PCDH15: variants seen among roughly 807,000 people sequenced by gnomAD.
PCDH15 encodes protocadherin-15.
Under a neutral mutation model 178.5 loss-of-function variants are expected in PCDH15, and 129 were observed. That is an observed-to-expected ratio of 0.72 (90% confidence interval 0.63 to 0.84). The LOEUF (loss-of-function observed/expected upper bound fraction) is 0.84, where lower values mean the gene tolerates loss of function less well. Among genes scored for constraint, PCDH15 ranks in the 40% least tolerant of loss-of-function variants. The probability of loss-of-function intolerance (pLI) is 0.00; values close to 1 mark genes in which losing one functional copy is unlikely to be tolerated. For synonymous variants in PCDH15, 800 were observed against 732.0 expected (o/e 1.09, Z -1.50); for missense variants, 2,230 against 2,099.9 (o/e 1.06, Z -1.21).
At chr10:55,035,694 T>C (rs1840718213) in intron 2 of PCDH15, among the ~76,000 whole-genome samples, 1 of 152,160 alleles carries the variant, frequency 6.6e-6, no homozygotes, top group Non-Finnish European at 1.5e-5. Flanking sequence ...AAATGAGGTA[T>C]GGATAATTAT....
At chr10:54,302,616 C>A (rs190896200) in intron 8 of PCDH15, among the ~76,000 whole-genome samples, 2 of 152,118 alleles carry the variant, frequency 1.3e-5, no homozygotes, top group Non-Finnish European at 2.9e-5. Flanking sequence ...AGAATGCCAA[C>A]CTCCAGAACT....
intron 2 of PCDH15, among the ~76,000 whole-genome samples, chr10:55,086,793 A>G (rs1842181431): frequency 6.6e-6 from 1 of 152,212 alleles, no homozygotes; most frequent in Non-Finnish European, 1.5e-5. Context: ...AATAAATATT[A>G]TAAATAAGTA....
chr10:55,446,661 G>A (rs1401716644), intron 2 of PCDH15, among the ~76,000 whole-genome samples: 4 of 152,104 alleles, frequency 2.6e-5, no homozygotes, highest in African/African-American at 9.7e-5. Context: ...CTTTTCTAAT[G>A]TTACATAAAT....
chr10:55,618,335 T>C (rs1213982214), intron 2 of PCDH15, among the ~76,000 whole-genome samples: 1 of 152,092 alleles, frequency 6.6e-6, no homozygotes, highest in Non-Finnish European at 1.5e-5. Flanking sequence ...GTTGTAGTCT[T>C]TTGTATATGA....
At position 54,160,569 on chromosome 10, in the gene PCDH15, A is replaced by G. The variant is rs2045605432; in HGVS notation, c.1591-7276T>C. 4.6e-5 allele frequency among the ~76,000 whole-genome samples: 7 copies of G among 152,170 alleles called. No individual in the cohort carries two copies. The South Asian group carries it at 1.4e-3, about 31-fold the overall frequency. ...ACAATAAAAAATAAACTTCCTAAAA[A>G]TTAAAAGCTTTTTCTCTACCAAAAA... On this transcript the variant is annotated intron_variant, in intron 13 of 37. Transcript: ENST00000644397.
chr10:54,113,466 G>T (rs1461817430), intron 15 of PCDH15, among the ~76,000 whole-genome samples: 4 of 152,076 alleles, frequency 2.6e-5, no homozygotes, highest in African/African-American at 9.7e-5. Flanking sequence ...AATGTGCTCT[G>T]GGCAATATCT....
intron 2 of PCDH15, among the ~76,000 whole-genome samples, chr10:55,006,016 T>C (rs1335126264): frequency 6.6e-6 from 1 of 152,004 alleles, no homozygotes; most frequent in Non-Finnish European, 1.5e-5. Flanking sequence ...TATGATGTTT[T>C]GATCTACATA....
intron 8 of PCDH15, among the ~76,000 whole-genome samples, chr10:54,300,446 T>A (rs1180655514): frequency 6.6e-6 from 1 of 152,182 alleles, no homozygotes; most frequent in Non-Finnish European, 1.5e-5. Context: ...TAACAACTTC[T>A]ACCGAGGATC....
chr10:55,415,428 G>C (rs1838455414), intron 2 of PCDH15, among the ~76,000 whole-genome samples: 1 of 151,590 alleles, frequency 6.6e-6, no homozygotes, highest in Non-Finnish European at 1.5e-5. Context: ...ATTGGAAAAA[G>C]TATTTGACAT....
intron 15 of PCDH15, among the ~76,000 whole-genome samples, chr10:54,104,620 G>A (rs569441175): frequency 5.9e-5 from 9 of 152,096 alleles, no homozygotes; most frequent in East Asian, 1.9e-4. Context: ...GGCAGATTAC[G>A]AGGTCAGGAG....
At chr10:54,026,300 G>A (rs2093089598) in intron 18 of PCDH15, among the ~76,000 whole-genome samples, 1 of 151,926 alleles carries the variant, frequency 6.6e-6, no homozygotes, top group Non-Finnish European at 1.5e-5. Context: ...GAACTTCTGG[G>A]CTTGAGCCAT....
intron 2 of PCDH15, among the ~76,000 whole-genome samples, chr10:54,567,031 G>A (rs1244759377): frequency 1.3e-5 from 2 of 152,074 alleles, no homozygotes; most frequent in African/African-American, 4.8e-5. Context: ...CATTCTAATA[G>A]GTGTGTAGTG....
At chr10:54,064,252 TCTC>T (rs2094092472) in intron 18 of PCDH15, among the ~76,000 whole-genome samples, 2 of 152,076 alleles carry the variant, frequency 1.3e-5, no homozygotes, top group South Asian at 2.1e-4. Context: ...GAAGAGGAAA[TCTC>T]CTCCCTGCAG....
At chr10:54,040,638 T>TTATG (rs2093521633) in intron 18 of PCDH15, among the ~76,000 whole-genome samples, 1 of 151,990 alleles carries the variant, frequency 6.6e-6, no homozygotes, top group Non-Finnish European at 1.5e-5. Context: ...TTAGACACAA[T>TTATG]TATGTATGTA....
intron 1 of PCDH15, among the ~76,000 whole-genome samples, chr10:55,259,832 G>A (rs181078833): frequency 6.9e-5 from 9 of 130,952 alleles, no homozygotes; most frequent in Non-Finnish European, 1.4e-4. Flanking sequence ...AACCTGGGAG[G>A]CAGAGGTTGA....
intron 8 of PCDH15, among the ~76,000 whole-genome samples, chr10:54,281,782 T>C (rs1393081399): frequency 6.6e-6 from 1 of 151,960 alleles, no homozygotes. Context: ...GAAATGAAGA[T>C]GCTATAATTA....
intron 3 of PCDH15, among the ~76,000 whole-genome samples, chr10:54,842,647 T>C (rs1469992986): frequency 6.6e-6 from 1 of 151,948 alleles, no homozygotes; most frequent in East Asian, 1.9e-4. Flanking sequence ...GTGGACTTTG[T>C]AGTTAGTCTG....
chr10:54,647,581 C>T (rs1193559096), intron 2 of PCDH15, among the ~76,000 whole-genome samples: 1 of 152,052 alleles, frequency 6.6e-6, no homozygotes, highest in Admixed American at 6.6e-5. Context: ...CCTGAGCCAT[C>T]TTTATGGCTG....
chr10:54,442,631 A>T (rs865972275), intron 3 of PCDH15, among the ~76,000 whole-genome samples: 53 of 150,074 alleles, frequency 3.5e-4, no homozygotes, highest in Middle Eastern at 3.5e-3. Flanking sequence ...AGATTGTTTC[A>T]TTTTAAGAAA....
Sources: gnomAD v4.1 joint callset for allele counts (sites outside exome capture counted in the v4.1 genomes callset) on GRCh38, gnomAD v4.1.1 for gene constraint, MANE v1.5 for transcripts, NCBI Gene and HGNC (gene_info 2026-07-23, HGNC 2026-07-21) for gene names.